The following WWOX variants were observed in gnomAD, a reference collection of about 807,000 sequenced individuals.
WWOX encodes WW domain containing oxidoreductase, also known as WW domain-containing oxidoreductase.
A neutral mutation model predicts 46.2 loss-of-function variants in WWOX; 69 were observed. The ratio of observed to expected loss-of-function variants is 1.49; its 90% confidence interval spans 1.23 to 1.82. The LOEUF is 1.82. Among genes scored for constraint, WWOX ranks in the 40% most tolerant of loss-of-function variants. The pLI is 0.00. For missense variants in WWOX, 919 were observed against 542.6 expected (o/e 1.69, Z -6.89); for synonymous variants, 359 against 202.6 (o/e 1.77, Z -6.56).
At chr16:78,969,427 A>G (rs2046427699) in intron 8 of WWOX, among the ~76,000 whole-genome samples, 1 of 152,040 alleles carries the variant, frequency 6.6e-6, no homozygotes, top group African/African-American at 2.4e-5. Context: ...ACATGCCACC[A>G]TGCCCAGCTA....
chr16:78,748,515 G>A (rs113658102), intron 8 of WWOX, among the ~76,000 whole-genome samples: 38 of 152,214 alleles, frequency 2.5e-4, no homozygotes, highest in African/African-American at 8.9e-4. Flanking sequence ...ATTCTTATTA[G>A]GGTCTTGCCC....
rs532427984 is a variant in WWOX, at chr16:78,843,016, G to T, written c.1057-368592G>T. On this transcript the variant is annotated intron_variant, in intron 8 of 8. Coordinates refer to ENST00000566780, the MANE Select transcript of WWOX (RefSeq NM_016373.4). ...GGTGGAGAGGATGTTTGTTAACAGG[G>T]CTGGCTATTTTACTTTAAGTGCTGC... Among the ~76,000 whole-genome samples, 25 of 150,072 alleles carry T rather than the reference G, an allele frequency of 1.7e-4. 1 individual carries two copies. Among genetic ancestry groups the T allele is most frequent in the Admixed American group, 4.7e-4 (7 of 15,042 alleles).
intron 8 of WWOX, among the ~76,000 whole-genome samples, chr16:78,811,754 C>T (rs1246683024): frequency 1.3e-5 from 2 of 152,056 alleles, no homozygotes; most frequent in African/African-American, 4.8e-5. Context: ...ACAACCTCTC[C>T]AGGGTCCCAC....
chr16:78,794,368 G>T (rs1110434), intron 8 of WWOX, among the ~76,000 whole-genome samples: 20,906 of 152,060 alleles, frequency 0.14, 1,532 homozygotes, highest in Non-Finnish European at 0.16. Context: ...TCAGGAAGCT[G>T]CCTTATTTGT....
chr16:79,131,651 A>G (rs559776343), intron 8 of WWOX, among the ~76,000 whole-genome samples: 1 of 152,356 alleles, frequency 6.6e-6, no homozygotes, highest in East Asian at 1.9e-4. Flanking sequence ...TATCTCTGCC[A>G]TGGTGTCAGC....
intron 8 of WWOX, among the ~76,000 whole-genome samples, chr16:78,558,004 C>T (rs1049363987): frequency 2.1e-4 from 32 of 152,124 alleles, no homozygotes; most frequent in African/African-American, 7.5e-4. Flanking sequence ...GCTGCTTTTT[C>T]AGAGCCTGGA....
chr16:78,936,484 C>T (rs564795185), intron 8 of WWOX, among the ~76,000 whole-genome samples: 9 of 152,198 alleles, frequency 5.9e-5, no homozygotes, highest in African/African-American at 1.7e-4. Context: ...TACATAAGTG[C>T]TTGCTAGCAA....
Position 78,448,574 on chromosome 16 carries a change from C to T in WWOX, c.1056+15822C>T, listed in dbSNP as rs1985675. 5.9e-3 allele frequency among the ~76,000 whole-genome samples: 897 copies of T among 152,148 alleles called. 4 individuals are homozygous for T. Among genetic ancestry groups the T allele is most frequent in the Non-Finnish European group, 0.011 (716 of 68,024 alleles). Reference sequence around the variant, plus strand: ...ACACAAAACCGAAAGTAGTGTCAAGCAGTACAGGCTTTATTCAATGGCCAT... The same window carrying T: ...ACACAAAACCGAAAGTAGTGTCAAGTAGTACAGGCTTTATTCAATGGCCAT... On this transcript the variant is annotated intron_variant, in intron 8 of 8. Coordinates refer to ENST00000566780, the MANE Select transcript of WWOX (RefSeq NM_016373.4).
intron 5 of WWOX, among the ~76,000 whole-genome samples, chr16:78,372,698 AG>A (rs1284613716): frequency 3.9e-5 from 6 of 152,152 alleles, no homozygotes; most frequent in African/African-American, 1.4e-4. Context: ...TAGCAGTTAT[AG>A]GCTTTTAAGG....
chr16:78,419,389 C>T (rs957802419), intron 6 of WWOX, among the ~76,000 whole-genome samples: 3 of 152,040 alleles, frequency 2.0e-5, no homozygotes, highest in African/African-American at 7.2e-5. Context: ...TCAAAACTTT[C>T]TATAAATCCT....
intron 8 of WWOX, among the ~76,000 whole-genome samples, chr16:78,801,944 C>T (rs929995069): frequency 1.3e-5 from 2 of 152,046 alleles, no homozygotes; most frequent in Non-Finnish European, 2.9e-5. Flanking sequence ...GTTTTTTCAG[C>T]AAAATGGGGT....
intron 8 of WWOX, among the ~76,000 whole-genome samples, chr16:79,076,326 G>A (rs1401403572): frequency 6.6e-6 from 1 of 152,044 alleles, no homozygotes; most frequent in Non-Finnish European, 1.5e-5. Flanking sequence ...TTACTATCTT[G>A]GGCCTTCTTG....
intron 8 of WWOX, among the ~76,000 whole-genome samples, chr16:79,013,858 C>T (rs746470864): frequency 6.6e-5 from 10 of 152,134 alleles, no homozygotes; most frequent in Non-Finnish European, 1.0e-4. Context: ...CTCGCTCTGC[C>T]GCCCTCCCAG....
intron 8 of WWOX, chr16:78,996,397 C>A: frequency 2.2e-6 from 2 of 916,168 alleles, no homozygotes; most frequent in Non-Finnish European, 1.3e-6. Context: ...CCAGCTTCCC[C>A]ACCTGTAAAA....
chr16:78,579,740 A>G (rs2045000576), intron 8 of WWOX, among the ~76,000 whole-genome samples: 1 of 152,208 alleles, frequency 6.6e-6, no homozygotes, highest in Admixed American at 6.5e-5. Flanking sequence ...AGAGAAAACA[A>G]ATATCATCTG....
At chr16:78,512,066 C>T (rs112069215) in intron 8 of WWOX, among the ~76,000 whole-genome samples, 83 of 152,322 alleles carry the variant, frequency 5.4e-4, no homozygotes, top group Non-Finnish European at 9.4e-4. Flanking sequence ...ACAAGTTATT[C>T]CATCCAAGAT....
intron 8 of WWOX, among the ~76,000 whole-genome samples, chr16:78,977,093 A>G (rs1205687711): frequency 6.6e-6 from 1 of 152,188 alleles, no homozygotes; most frequent in Non-Finnish European, 1.5e-5. Flanking sequence ...TGATGCCTCC[A>G]GGCAATTTCC....
chr16:78,353,051 A>AT (rs1363204341), intron 5 of WWOX, among the ~76,000 whole-genome samples: 9 of 152,228 alleles, frequency 5.9e-5, no homozygotes. Flanking sequence ...AAATAATGGC[A>AT]GTTTGTAACT....
chr16:78,691,641 G>T (rs775825651), intron 8 of WWOX, among the ~76,000 whole-genome samples: 1 of 152,190 alleles, frequency 6.6e-6, no homozygotes, highest in Non-Finnish European at 1.5e-5. Context: ...CTAGGAGGTT[G>T]AGAGTGCAGT....
Sources: gnomAD v4.1 joint callset for allele counts (sites outside exome capture counted in the v4.1 genomes callset) on GRCh38, gnomAD v4.1.1 for gene constraint, MANE v1.5 for transcripts, NCBI Gene and HGNC (gene_info 2026-07-23, HGNC 2026-07-21) for gene names.